The following NLRP1 variants were observed in gnomAD, a reference collection of about 807,000 sequenced individuals.
NLRP1 encodes the protein NACHT, LRR and PYD domains-containing protein 1.
A neutral mutation model predicts 136.7 loss-of-function variants in NLRP1; 94 were observed. The observed-to-expected ratio is 0.69, with a 90% CI of 0.58 to 0.82. NLRP1 has a LOEUF of 0.82. Among genes scored for constraint, NLRP1 ranks in the 40% least tolerant of loss-of-function variants. The probability of loss-of-function intolerance (pLI) is 0.00; values close to 1 mark genes in which losing one functional copy is unlikely to be tolerated. For synonymous variants in NLRP1, 690 were observed against 725.1 expected (o/e 0.95, Z 0.78); for missense variants, 1,575 against 1,802.7 (o/e 0.87, Z 2.29).
At chr17:5,576,074 C>A (rs541003545) in intron 3 of NLRP1, among the ~76,000 whole-genome samples, 42 of 152,204 alleles carry the variant, frequency 2.8e-4, no homozygotes, top group African/African-American at 1.0e-3. Context: ...TCTTTGAAAC[C>A]AATGAGAACA....
Position 5,558,828 on chromosome 17 carries a change from T to C in NLRP1, c.1868A>G (p.His623Arg). The C allele has an allele frequency of 6.2e-7, 1 of 1,613,976 alleles. No homozygotes were observed. Among genetic ancestry groups the C allele is most frequent in the Non-Finnish European group, 8.5e-7 (1 of 1,179,986 alleles). The change falls in exon 4 of 17, where the codon CAC becomes CGC. Residue 623 changes from histidine (H) to arginine (R), a missense_variant. His to Arg is a conservative substitution (Grantham distance 29). Coordinates refer to ENST00000572272, the MANE Select transcript of NLRP1 (RefSeq NM_033004.4). ...TGCAAAGAACTCTTGGAAACAGAGG[T>C]GAATGAAGCTGTAGCTCAGAGGGAT... ...HPIPLSYSFI[H>R]LCFQEFFAAM...
chr17:5,563,888 A>C (rs1261229080), intron 3 of NLRP1, among the ~76,000 whole-genome samples: 3 of 152,210 alleles, frequency 2.0e-5, no homozygotes, highest in Non-Finnish European at 4.4e-5. Context: ...AGGCAGCTAG[A>C]CACAGAAGGG....
rs1226869115 is a variant in NLRP1, at chr17:5,527,217, TGTAAAATATA to T, written c.3520+3254_3520+3263del. Among the ~76,000 whole-genome samples the T allele has an allele frequency of 1.2e-4, 18 of 152,350 alleles. No homozygotes were observed. In the South Asian group the frequency reaches 2.9e-3, roughly 25 times the overall value. On this transcript the variant is annotated intron_variant, in intron 12 of 16. Transcript: ENST00000572272. ...AAGAAGAATTGTCTTGGGCCACACA[TGTAAAATATA>T]CTAACACTAATGATAGCTGGTGAGC...
intron 12 of NLRP1, among the ~76,000 whole-genome samples, chr17:5,529,524 C>T (rs567334638): frequency 2.6e-5 from 4 of 152,118 alleles, no homozygotes; most frequent in East Asian, 3.9e-4. Flanking sequence ...CCTGCCGCCA[C>T]GCCCGGCTAA....
chr17:5,535,210 ACT>A (rs1424696072), intron 8 of NLRP1, among the ~76,000 whole-genome samples: 4 of 150,218 alleles, frequency 2.7e-5, no homozygotes, highest in Admixed American at 2.6e-4. Context: ...ACAGAGCGAG[ACT>A]CTGTCTCAAA....
rs1911266526 is a variant in NLRP1, at chr17:5,537,682, G to A, written c.2871-742C>T. ...GTTAGAGCTGTTCTGCCCCTGGGGA[G>A]GAGCGCAGACCTTGAAGTAGAAGGT... On this transcript the variant is annotated intron_variant, in intron 7 of 16. Coordinates refer to ENST00000572272, the MANE Select transcript of NLRP1 (RefSeq NM_033004.4). This position sits in a 1 kb window ranked among gnomAD's most constrained non-coding sequence, Gnocchi z 4.5. Among the ~76,000 whole-genome samples the A allele has an allele frequency of 6.6e-6, 1 of 152,198 alleles. No individual in the cohort carries two copies. Among genetic ancestry groups the A allele is most frequent in the Non-Finnish European group, 1.5e-5 (1 of 68,042 alleles).
intron 4 of NLRP1, among the ~76,000 whole-genome samples, chr17:5,554,250 GAA>G (rs1913758717): frequency 6.6e-6 from 1 of 152,174 alleles, no homozygotes; most frequent in South Asian, 2.1e-4. Flanking sequence ...AGCCTGAGGG[GAA>G]GAGATGACGG....
At chr17:5,506,616 G>GT (rs1907347143) in intron 15 of NLRP1, among the ~76,000 whole-genome samples, 1 of 152,084 alleles carries the variant, frequency 6.6e-6, no homozygotes, top group Non-Finnish European at 1.5e-5. Context: ...TTCTGGCTGG[G>GT]TGAGGTGGCT....
At chr17:5,521,036 T>C (rs202110411) in intron 13 of NLRP1, 24 bp from the exon 14 acceptor site, 2 of 1,578,322 alleles carry the variant, frequency 1.3e-6, no homozygotes, top group Non-Finnish European at 1.7e-6. Flanking sequence ...GGAACAATGA[T>C]TAAGGGAGGC....
intron 3 of NLRP1, among the ~76,000 whole-genome samples, chr17:5,561,746 T>C (rs1485703526): frequency 6.6e-6 from 1 of 152,058 alleles, no homozygotes; most frequent in Non-Finnish European, 1.5e-5. Flanking sequence ...CCCGGCCCCA[T>C]GTGGTTTTTA....
intron 3 of NLRP1, among the ~76,000 whole-genome samples, chr17:5,577,264 G>A (rs959518016): frequency 1.2e-4 from 18 of 152,150 alleles, no homozygotes; most frequent in Admixed American, 9.8e-4. Flanking sequence ...TCTGGCCAGG[G>A]CAATCAGGCA....
chr17:5,542,988 C>T (rs533663030), intron 5 of NLRP1, among the ~76,000 whole-genome samples: 44 of 152,256 alleles, frequency 2.9e-4, no homozygotes, highest in African/African-American at 1.1e-3. Context: ...TGCCACCATG[C>T]CCGGCTAATT....
chr17:5,558,350 G>C lies in NLRP1; in HGVS notation c.2346C>G (p.Thr782=). The change falls in exon 4 of 17, where the codon ACC becomes ACG. Residue 782 remains threonine (T), a synonymous_variant. Coordinates refer to ENST00000572272, the MANE Select transcript of NLRP1 (RefSeq NM_033004.4). ...GRQHRSTWSP[T]MVVLFRWVPV... is the part of the protein sequence containing the mutation. ...GTTTGGGTACTCACAGGACTACCAT[G>C]GTGGGGCTCCATGTTGATCTGTGCT... 2 of 1,606,012 alleles carry C rather than the reference G, an allele frequency of 1.2e-6. No homozygotes were observed. The highest frequency in any genetic ancestry group is 1.7e-6 in the Non-Finnish European group (2 of 1,175,832).
At position 5,583,844 on chromosome 17, in the gene NLRP1, C is replaced by T. The variant is rs884367; in HGVS notation, c.114G>A (p.Ser38=). The change falls in exon 1 of 17, where the codon TCG becomes TCA. Residue 38 remains serine, a synonymous_variant. Coordinates refer to ENST00000572272, the MANE Select transcript of NLRP1 (RefSeq NM_033004.4). The surrounding 1 kb of genome is among the most constrained non-coding windows in gnomAD (Gnocchi z 4.5). ...LANKAHSRSS[S]GETPAQPEKT... ...TCTCTGGCTGAGCGGGTGTCTCACCCGAAGAGCTCCTGGAGTGCGCTTTAT... is the reference window on the plus strand; with the variant it reads ...TCTCTGGCTGAGCGGGTGTCTCACCTGAAGAGCTCCTGGAGTGCGCTTTAT... 8 of 1,569,650 alleles carry T rather than the reference C, an allele frequency of 5.1e-6. No homozygotes were observed. The East Asian group carries it at 7.0e-5, about 14-fold the overall frequency.
At chr17:5,536,511 C>A (rs548030284) in intron 8 of NLRP1, among the ~76,000 whole-genome samples, 1 of 142,228 alleles carries the variant, frequency 7.0e-6, no homozygotes, top group Non-Finnish European at 1.5e-5. Context: ...AGTGCAGTAG[C>A]GCGATCTTGG....
intron 3 of NLRP1, among the ~76,000 whole-genome samples, chr17:5,570,668 A>G (rs762609114): frequency 2.0e-5 from 3 of 152,134 alleles, no homozygotes; most frequent in African/African-American, 7.2e-5. Flanking sequence ...ACACATAAAG[A>G]AGAGCTCGTA....
At position 5,559,799 on chromosome 17, in the gene NLRP1, G is replaced by T. The variant is rs1284957637; in HGVS notation, c.897C>A (p.Ser299Arg). 6.2e-7 allele frequency: 1 copy of T among 1,614,160 alleles called. No homozygotes were observed. The highest frequency in any genetic ancestry group is 1.3e-5 in the African/African-American group (1 of 74,950). Reference protein sequence around the residue: ...PRSQDPLVKRSWPDYVEENRG... With the variant: ...PRSQDPLVKRRWPDYVEENRG... Reference sequence around the variant, plus strand: ...GATTCTCCTCCACATAATCAGGCCAGCTTCTCTTGACCAGGGGATCTTGGC... The same window carrying T: ...GATTCTCCTCCACATAATCAGGCCATCTTCTCTTGACCAGGGGATCTTGGC... The change falls in exon 4 of 17, where the codon AGC becomes AGA. Residue 299 changes from serine (S) to arginine (R), a missense_variant. Ser to Arg is a moderately radical substitution (Grantham distance 110, BLOSUM62 -1). Transcript: ENST00000572272.
intron 9 of NLRP1, 87 bp downstream of exon 9, chr17:5,533,810 G>T: frequency 1.1e-6 from 1 of 884,316 alleles, no homozygotes. Flanking sequence ...CCCACATCAG[G>T]GGCAGAGGGA....
At chr17:5,575,895 T>C (rs1597483519) in intron 3 of NLRP1, among the ~76,000 whole-genome samples, 2 of 152,194 alleles carry the variant, frequency 1.3e-5, no homozygotes, top group Non-Finnish European at 2.9e-5. Context: ...TCAGCAAATG[T>C]AAAAGGACAG....
Sources: allele counts gnomAD v4.1 joint callset (sites outside exome capture counted in the v4.1 genomes callset), GRCh38; gene constraint gnomAD v4.1.1; non-coding constraint Gnocchi (gnomAD v3.1); transcripts MANE v1.5; gene names NCBI Gene and HGNC (gene_info 2026-07-23, HGNC 2026-07-21).